Variants in TACR3 observed in about 807,000 individuals in gnomAD.
TACR3 encodes neuromedin-K receptor.
In TACR3, 34 loss-of-function variants were observed where a neutral mutation model predicts 35.0. That is an observed-to-expected ratio of 0.97 (90% CI 0.74 to 1.30). The LOEUF (loss-of-function observed/expected upper bound fraction) is 1.30, where lower values mean the gene tolerates loss of function less well. TACR3 is among the 50% of genes most tolerant of loss of function. The pLI, the probability that TACR3 is intolerant of heterozygous loss-of-function variation, is 0.00. For missense variants in TACR3, 558 were observed against 591.7 expected (o/e 0.94, Z 0.59); for synonymous variants, 233 against 221.1 (o/e 1.05, Z -0.48).
At chr4:103,639,891 G>A (rs987045117) in intron 3 of TACR3, among the ~76,000 whole-genome samples, 3 of 151,938 alleles carry the variant, frequency 2.0e-5, no homozygotes, top group Non-Finnish European at 4.4e-5. Context: ...TAAGTAAGCT[G>A]TATGGCACAT....
chr4:103,699,402 C>A (rs1329595829), intron 1 of TACR3, among the ~76,000 whole-genome samples: 1 of 152,036 alleles, frequency 6.6e-6, no homozygotes, highest in East Asian at 1.9e-4. Context: ...TAACAAAGGA[C>A]CAGCTAGTCT....
At chr4:103,615,192 G>T (rs1173113281) in intron 3 of TACR3, among the ~76,000 whole-genome samples, 1 of 152,038 alleles carries the variant, frequency 6.6e-6, no homozygotes, top group African/African-American at 2.4e-5. Context: ...CACCGCGCCC[G>T]TCCTATGAAT....
intron 3 of TACR3, among the ~76,000 whole-genome samples, chr4:103,599,361 C>T (rs889516421): frequency 5.9e-5 from 9 of 152,130 alleles, no homozygotes; most frequent in Non-Finnish European, 7.3e-5. Context: ...TGGGCTGAGA[C>T]AATGGGGTTT....
chr4:103,629,308 A>G (rs956997227), intron 3 of TACR3, among the ~76,000 whole-genome samples: 4 of 152,064 alleles, frequency 2.6e-5, no homozygotes, highest in Admixed American at 2.0e-4. Flanking sequence ...GGCAGGAGAA[A>G]GAAATAAAGG....
chr4:103,687,799 T>C (rs984585109), intron 1 of TACR3, among the ~76,000 whole-genome samples: 2 of 152,060 alleles, frequency 1.3e-5, no homozygotes, highest in Non-Finnish European at 2.9e-5. Context: ...GAAGAATCAA[T>C]ATCGTGAAAA....
intron 3 of TACR3, among the ~76,000 whole-genome samples, chr4:103,630,817 A>T (rs1035661606): frequency 1.3e-5 from 2 of 152,218 alleles, no homozygotes; most frequent in African/African-American, 4.8e-5. Context: ...TGACCCAGCC[A>T]TCCCATTACT....
At chr4:103,612,132 T>C (rs1411888660) in intron 3 of TACR3, among the ~76,000 whole-genome samples, 2 of 152,218 alleles carry the variant, frequency 1.3e-5, no homozygotes, top group Non-Finnish European at 2.9e-5. Context: ...GCTTCTGTTA[T>C]ATTTTGCTGC....
Position 103,635,698 on chromosome 4 carries a change from C to A in TACR3, c.888+20496G>T, listed in dbSNP as rs72945366. Among the ~76,000 whole-genome samples, 1,315 of 151,970 alleles carry A rather than the reference C, an allele frequency of 8.7e-3. 21 individuals carry two copies. The highest frequency in any genetic ancestry group is 0.03 in the African/African-American group (1,232 of 41,500). On this transcript the variant is annotated intron_variant, in intron 3 of 4. Coordinates refer to ENST00000304883, the MANE Select transcript of TACR3 (RefSeq NM_001059.3). ...TAAATAAAATCACTTGTGCACAATG[C>A]CTGGTACACATTAGATGTTGAGTAA...
At chr4:103,682,501 T>A (rs1722122410) in intron 1 of TACR3, among the ~76,000 whole-genome samples, 1 of 152,092 alleles carries the variant, frequency 6.6e-6, no homozygotes, top group South Asian at 2.1e-4. Flanking sequence ...ACTCACTCAC[T>A]ATCACGAGAA....
intron 3 of TACR3, among the ~76,000 whole-genome samples, chr4:103,626,187 A>G (rs1486368465): frequency 6.6e-6 from 1 of 152,184 alleles, no homozygotes; most frequent in African/African-American, 2.4e-5. Context: ...GACAGATGTG[A>G]ACTGACGTTT....
chr4:103,589,735 C>T lies in TACR3; in HGVS notation c.1345G>A (p.Ala449Thr), dbSNP rs17033889. 10,484 of 1,613,872 alleles carry T rather than the reference C, an allele frequency of 6.5e-3. 60 individuals are homozygous for T. The highest frequency in any genetic ancestry group is 0.019 in the East Asian group (848 of 44,860). The change falls in exon 5 of 5, where the codon GCC becomes ACC. Residue 449 changes from alanine (A) to threonine (T), a missense_variant. By Grantham distance (58) the Ala-to-Thr change is moderately conservative. Transcript: ENST00000304883. ...CSRRNSKSAS[A>T]TSSFISSPYT... The stretch of plus-strand genomic sequence containing the variant: ...GGTGAGCTTATGAAACTTGAAGTGG[C>T]GGAGGCAGATTTGGAATTCCTGCGA...
chr4:103,634,458 T>A (rs1725135804), intron 3 of TACR3, among the ~76,000 whole-genome samples: 2 of 152,064 alleles, frequency 1.3e-5, no homozygotes, highest in Admixed American at 1.3e-4. Context: ...ATACTAGCTA[T>A]AATTTTGCTA....
chr4:103,693,563 G>C (rs2110218311), intron 1 of TACR3, among the ~76,000 whole-genome samples: 1 of 151,920 alleles, frequency 6.6e-6, no homozygotes, highest in Admixed American at 6.5e-5. Context: ...AAAATGTTTT[G>C]TCTATGTAAC....
chr4:103,615,608 T>G (rs1724637175), intron 3 of TACR3, among the ~76,000 whole-genome samples: 1 of 152,328 alleles, frequency 6.6e-6, no homozygotes, highest in African/African-American at 2.4e-5. Context: ...ATTAAAAAAC[T>G]ATTGTGATGA....
In TACR3 at chr4:103,624,657, A is replaced by T. The variant is rs186357154; in HGVS notation, c.888+31537T>A. 236 of 151,740 alleles carry T rather than the reference A, an allele frequency of 1.6e-3. 2 individuals are homozygous for T. Among genetic ancestry groups the T allele is most frequent in the African/African-American group, 5.6e-3 (230 of 41,258 alleles). The allele number at this position is 151,740 out of a possible 1,614,324, so 9.4% of individuals were successfully genotyped here. On this transcript the variant is annotated intron_variant, in intron 3 of 4. Coordinates refer to ENST00000304883, the MANE Select transcript of TACR3 (RefSeq NM_001059.3). ...ACAAATGAAAATAGTATTAGAAAGA[A>T]ATCTGAAGAGATTTACAGCATGTAA...
intron 1 of TACR3, among the ~76,000 whole-genome samples, chr4:103,669,517 A>G (rs1726008418): frequency 6.6e-6 from 1 of 151,796 alleles, no homozygotes; most frequent in Non-Finnish European, 1.5e-5. Context: ...TACTTTTTGT[A>G]TTTTTCATAA....
chr4:103,622,734 A>C (rs17303520), intron 3 of TACR3, among the ~76,000 whole-genome samples: 43,635 of 151,694 alleles, frequency 0.29, 6,561 homozygotes, highest in Non-Finnish European at 0.3. Context: ...GGCCAATTGA[A>C]CCTCCAACCC....
At position 103,643,701 on chromosome 4, in the gene TACR3, G is replaced by A. The variant is rs114130325; in HGVS notation, c.888+12493C>T. On this transcript the variant is annotated intron_variant, in intron 3 of 4. Transcript: ENST00000304883. ...TATGTCAAAGCTCTATATAATGATT[G>A]TATAAAATCTATAATAATTGATATA... Among the ~76,000 whole-genome samples the A allele has an allele frequency of 4.8e-3, 725 of 151,830 alleles. 9 individuals are homozygous for A. The highest frequency in any genetic ancestry group is 0.016 in the African/African-American group (684 of 41,478).
At chr4:103,652,074 AC>A (rs1345848465) in intron 3 of TACR3, among the ~76,000 whole-genome samples, 1 of 151,750 alleles carries the variant, frequency 6.6e-6, no homozygotes, top group Non-Finnish European at 1.5e-5. Context: ...TGGTACATGC[AC>A]CCCCTTAGTC....
Sources: allele counts gnomAD v4.1 joint callset (sites outside exome capture counted in the v4.1 genomes callset), GRCh38; gene constraint gnomAD v4.1.1; transcripts MANE v1.5; gene names NCBI Gene and HGNC (gene_info 2026-07-23, HGNC 2026-07-21).